The following MGAT4C variants were observed in gnomAD, a reference collection of about 807,000 sequenced individuals.
MGAT4C encodes the protein alpha-1,3-mannosyl-glycoprotein 4-beta-N-acetylglucosaminyltransferase C.
MGAT4C carries 19 observed loss-of-function variants against 40.1 expected under a neutral mutation model. That is an observed-to-expected ratio of 0.47 (90% CI 0.33 to 0.70). MGAT4C has a LOEUF of 0.70. Ranked by LOEUF, MGAT4C falls within the 30% of genes least tolerant of loss-of-function variation. The pLI is 0.02. For missense variants in MGAT4C, 491 were observed against 563.2 expected, an observed-to-expected ratio of 0.87 and a Z score of 1.30; for synonymous variants, 181 against 187.1, an observed-to-expected ratio of 0.97 and a Z score of 0.27.
At chr12:86,086,375 C>G (rs536801599) in intron 1 of MGAT4C, among the ~76,000 whole-genome samples, 6 of 151,606 alleles carry the variant, frequency 4.0e-5, no homozygotes, top group South Asian at 4.2e-4. Flanking sequence ...CATCACACAC[C>G]GGGGCCTTTT....
intron 2 of MGAT4C, among the ~76,000 whole-genome samples, chr12:86,649,288 A>T (rs1191021044): frequency 6.6e-6 from 1 of 151,780 alleles, no homozygotes; most frequent in Non-Finnish European, 1.5e-5. Flanking sequence ...AATGATCTAT[A>T]TACAGGTTCT....
chr12:86,562,553 G>A (rs1305933164), intron 2 of MGAT4C, among the ~76,000 whole-genome samples: 2 of 152,002 alleles, frequency 1.3e-5, no homozygotes, highest in African/African-American at 2.4e-5. Context: ...ACCCTGATTT[G>A]TCTGGGGCAA....
At chr12:86,608,655 AAT>A (rs546067684) in intron 2 of MGAT4C, among the ~76,000 whole-genome samples, 97 of 152,228 alleles carry the variant, frequency 6.4e-4, no homozygotes, top group Admixed American at 3.0e-3. Context: ...ATGTGGAAAA[AAT>A]AGACTTATTT....
At chr12:86,474,014 T>G (rs1957793782) in intron 2 of MGAT4C, among the ~76,000 whole-genome samples, 1 of 152,080 alleles carries the variant, frequency 6.6e-6, no homozygotes, top group Non-Finnish European at 1.5e-5. Flanking sequence ...CATACTCCCC[T>G]CTGACCCTCT....
At chr12:86,825,573 G>C (rs1952790886) in intron 1 of MGAT4C, among the ~76,000 whole-genome samples, 1 of 151,330 alleles carries the variant, frequency 6.6e-6, no homozygotes, top group Non-Finnish European at 1.5e-5. Flanking sequence ...TATCACATAA[G>C]AGCTTCGATA....
chr12:86,699,280 G>T (rs1247550677), intron 2 of MGAT4C, among the ~76,000 whole-genome samples: 1 of 152,072 alleles, frequency 6.6e-6, no homozygotes, highest in African/African-American at 2.4e-5. Flanking sequence ...CCTACAGTCA[G>T]AAAATCAATA....
intron 1 of MGAT4C, among the ~76,000 whole-genome samples, chr12:86,082,622 C>A (rs1196281504): frequency 2.3e-4 from 35 of 152,032 alleles, no homozygotes; most frequent in Non-Finnish European, 4.4e-5. Flanking sequence ...AGTTTCAGCA[C>A]AAAATGATCC....
intron 1 of MGAT4C, among the ~76,000 whole-genome samples, chr12:86,727,673 G>A (rs1950845036): frequency 6.6e-6 from 1 of 151,968 alleles, no homozygotes; most frequent in East Asian, 1.9e-4. Context: ...AAGAAAGAGT[G>A]ATTATTAAAG....
chr12:86,834,612 CCA>C (rs148269576), intron 1 of MGAT4C, among the ~76,000 whole-genome samples: 21 of 148,196 alleles, frequency 1.4e-4, no homozygotes, highest in East Asian at 4.0e-4. Context: ...CCCCCAACCA[CCA>C]CACACACACA....
chr12:86,785,044 A>C (rs998157616), intron 1 of MGAT4C, among the ~76,000 whole-genome samples: 2 of 152,004 alleles, frequency 1.3e-5, no homozygotes, highest in South Asian at 4.1e-4. Context: ...TGCTAAAAAA[A>C]TTCTTCTTTG....
chr12:86,267,077 T>C lies in MGAT4C; in HGVS notation c.-57+66988A>G, dbSNP rs548274456. 5.3e-5 allele frequency among the ~76,000 whole-genome samples: 8 copies of C among 152,180 alleles called. No individual in the cohort carries two copies. In the South Asian group the frequency reaches 1.7e-3, roughly 32 times the overall value. On this transcript the variant is annotated intron_variant, in intron 4 of 7. Transcript: ENST00000548651. ...TAATCTAGTTTTGTTTTATCTTTTG[T>C]AATTTTTTTTTGGTCTTTTTTCATT...
At chr12:86,310,202 A>G (rs1954036193) in intron 4 of MGAT4C, among the ~76,000 whole-genome samples, 1 of 152,008 alleles carries the variant, frequency 6.6e-6, no homozygotes, top group Non-Finnish European at 1.5e-5. Context: ...GAATGAGTAA[A>G]TTGGGCTGAT....
intron 2 of MGAT4C, among the ~76,000 whole-genome samples, chr12:85,994,711 C>T (rs539093316): frequency 6.6e-6 from 1 of 151,976 alleles, no homozygotes; most frequent in East Asian, 1.9e-4. Context: ...AAAAGGAAAA[C>T]AAAATAGCTG....
At chr12:86,659,452 G>A (rs1050615048) in intron 2 of MGAT4C, among the ~76,000 whole-genome samples, 2 of 152,036 alleles carry the variant, frequency 1.3e-5, no homozygotes, top group African/African-American at 4.8e-5. Flanking sequence ...TAAATTGGAG[G>A]ACTAGCTTAC....
At chr12:86,311,018 T>C (rs4512922) in intron 4 of MGAT4C, among the ~76,000 whole-genome samples, 98,908 of 152,226 alleles carry the variant, frequency 0.65, 32,950 homozygotes, top group South Asian at 0.77. Flanking sequence ...GCCCGATGGG[T>C]CCTGCTGCTT....
chr12:86,688,581 T>C (rs993933154), intron 2 of MGAT4C, among the ~76,000 whole-genome samples: 10 of 152,160 alleles, frequency 6.6e-5, no homozygotes, highest in African/African-American at 2.4e-4. Flanking sequence ...TCTGTGAAGA[T>C]TTTATTTCTC....
intron 3 of MGAT4C, among the ~76,000 whole-genome samples, chr12:86,374,488 G>T (rs1270882349): frequency 1.3e-5 from 2 of 152,012 alleles, no homozygotes; most frequent in Non-Finnish European, 2.9e-5. Context: ...AGTTTTCACG[G>T]TTATACCAAC....
Position 86,678,287 on chromosome 12 carries a change from C to T in MGAT4C, c.-229+48922G>A, listed in dbSNP as rs1362854595. Among the ~76,000 whole-genome samples, 3 of 152,078 alleles carry T rather than the reference C, an allele frequency of 2.0e-5. No homozygotes were observed. The East Asian group carries it at 5.8e-4, about 29-fold the overall frequency. On this transcript the variant is annotated intron_variant, in intron 2 of 7. Coordinates refer to the MGAT4C transcript ENST00000548651. Reference sequence around the variant, plus strand: ...CTAAGACTTATCCTTTATTCCTCAACTTACCTTATTCCACCCCTACATGTG... The same window carrying T: ...CTAAGACTTATCCTTTATTCCTCAATTTACCTTATTCCACCCCTACATGTG...
intron 3 of MGAT4C, among the ~76,000 whole-genome samples, chr12:86,428,069 A>T (rs1956963724): frequency 6.6e-6 from 1 of 152,060 alleles, no homozygotes; most frequent in Non-Finnish European, 1.5e-5. Flanking sequence ...ACAACAAAAA[A>T]ACCCGCTAAT....
Sources: gnomAD v4.1 joint callset for allele counts (sites outside exome capture counted in the v4.1 genomes callset) on GRCh38, gnomAD v4.1.1 for gene constraint, MANE v1.5 for transcripts, NCBI Gene and HGNC (gene_info 2026-07-23, HGNC 2026-07-21) for gene names.